The following LVRN variants were observed in gnomAD, a reference collection of about 807,000 sequenced individuals.
The protein encoded by LVRN is laeverin, also known as aminopeptidase Q.
LVRN carries 99 observed loss-of-function variants against 111.4 expected under a neutral mutation model. The ratio of observed to expected loss-of-function variants is 0.89; its 90% CI spans 0.76 to 1.05. The LOEUF (loss-of-function observed/expected upper bound fraction) is 1.05, where lower values mean the gene tolerates loss of function less well. LVRN is among the 50% of genes least tolerant of loss of function. LVRN has a pLI of 0.00. For missense variants in LVRN, 1,414 were observed against 1,206.8 expected (o/e 1.17, Z -2.54); for synonymous variants, 488 against 449.5 (o/e 1.09, Z -1.08).
At chr5:115,993,710 A>G (rs772887506) in intron 5 of LVRN, 31 bp from the exon 6 acceptor site, 2 of 1,394,354 alleles carry the variant, frequency 1.4e-6, no homozygotes, top group East Asian at 2.3e-5. Context: ...TAAATTTAAG[A>G]AAGCTCTTTT....
intron 1 of LVRN, chr5:115,975,290 G>T: frequency 2.8e-6 from 1 of 356,962 alleles, no homozygotes; most frequent in Non-Finnish European, 5.4e-6. Flanking sequence ...ACACTTCTCA[G>T]GCTGACAAAG....
chr5:115,976,384 T>C (rs1753450187), intron 1 of LVRN: 1 of 152,244 alleles, frequency 6.6e-6, no homozygotes, highest in Non-Finnish European at 1.5e-5. Flanking sequence ...AATCTTCTTG[T>C]AGAACCAGTT....
chr5:115,982,390 T>C (rs576744617), intron 1 of LVRN, among the ~76,000 whole-genome samples: 3 of 152,158 alleles, frequency 2.0e-5, no homozygotes, highest in Non-Finnish European at 4.4e-5. Flanking sequence ...CAAAAACAAA[T>C]GTATCAGAGA....
chr5:115,965,592 G>A (rs1396706964), intron 1 of LVRN, among the ~76,000 whole-genome samples: 1 of 152,056 alleles, frequency 6.6e-6, no homozygotes, highest in Non-Finnish European at 1.5e-5. Context: ...GTTTTGTTGT[G>A]TCCCCACGCA....
intron 13 of LVRN, among the ~76,000 whole-genome samples, chr5:116,010,180 G>A (rs1382103311): frequency 6.6e-6 from 1 of 152,206 alleles, no homozygotes; most frequent in Non-Finnish European, 1.5e-5. Context: ...ATTAAGGTGT[G>A]CATACTGTTT....
intron 2 of LVRN, 58 bp downstream of exon 2, chr5:115,983,487 A>T (rs1747767646): frequency 1.3e-6 from 2 of 1,504,276 alleles, no homozygotes; most frequent in Admixed American, 2.4e-5. Flanking sequence ...TTGTAATCAC[A>T]TTTATACCAG....
chr5:115,977,668 A>T (rs1179801328), intron 1 of LVRN, among the ~76,000 whole-genome samples: 1 of 152,048 alleles, frequency 6.6e-6, no homozygotes, highest in African/African-American at 2.4e-5. Flanking sequence ...ATTGGAAAGG[A>T]CCCCAGGCTT....
chr5:115,975,616 A>T (rs116517294), intron 1 of LVRN: 2,144 of 156,708 alleles, frequency 0.014, 46 homozygotes, highest in African/African-American at 0.049. Flanking sequence ...GCAATTGGCC[A>T]TGCCTGTGAC....
rs756481757 is a variant in LVRN at position 115,993,776 on chromosome 5, C to A, written c.1296C>A (p.Asn432Lys). 1 of 1,609,972 alleles carries A rather than the reference C, an allele frequency of 6.2e-7. No individual in the cohort carries two copies. The highest frequency in any genetic ancestry group is 8.5e-7 in the Non-Finnish European group (1 of 1,178,900). ...FGNLVTMNWWNNIWLNEGFAS... is the reference protein window; with the variant it reads ...FGNLVTMNWWKNIWLNEGFAS... ...ACTTGGTTACCATGAATTGGTGGAA[C>A]AATATCTGGCTCAACGAGGGTTTTG... Residue 432 changes from asparagine (N) to lysine (K), a missense_variant, in exon 6 of 20, where the codon AAC becomes AAA. Coordinates refer to ENST00000357872, the MANE Select transcript of LVRN (RefSeq NM_173800.5).
intron 1 of LVRN, among the ~76,000 whole-genome samples, chr5:115,974,195 G>A (rs988729483): frequency 6.6e-6 from 1 of 152,134 alleles, no homozygotes; most frequent in African/African-American, 2.4e-5. Context: ...TGCAGACATA[G>A]TTGTAGAATG....
intron 1 of LVRN, among the ~76,000 whole-genome samples, chr5:115,967,613 A>G (rs1753229922): frequency 6.6e-6 from 1 of 152,096 alleles, no homozygotes; most frequent in Non-Finnish European, 1.5e-5. Flanking sequence ...ATTTTATGAT[A>G]TTCTTATATA....
At chr5:116,000,801 C>A (rs1580391232) in intron 9 of LVRN, 143 bp downstream of exon 9, 1 of 895,708 alleles carries the variant, frequency 1.1e-6, no homozygotes, top group East Asian at 2.6e-5. Context: ...TGGGTAGTGT[C>A]TTTAGTCTTC....
In LVRN at chr5:116,000,472, G is replaced by A. The variant is rs767038878; in HGVS notation, c.1555G>A (p.Glu519Lys). The A allele has an allele frequency of 6.2e-7, 1 of 1,614,150 alleles. No individual in the cohort carries two copies. The highest frequency in any genetic ancestry group is 1.7e-5 in the Admixed American group (1 of 60,026). ...CCGGATGCTTTCTTGTTTCTTGAAT[G>A]AGCATTTATTTGTCAGTGCACTCAA... ...MARMLSCFLN[E>K]HLFVSALKSY... Residue 519 changes from glutamate (E) to lysine (K), a missense_variant, in exon 8 of 20, where the codon GAG becomes AAG. Physicochemically the swap from Glu to Lys is moderately conservative, Grantham distance 56. Transcript: ENST00000357872.
chr5:115,973,974 T>G (rs1753382013), intron 1 of LVRN, among the ~76,000 whole-genome samples: 1 of 152,174 alleles, frequency 6.6e-6, no homozygotes, highest in African/African-American at 2.4e-5. Flanking sequence ...CTTTAAACAT[T>G]TACAGAATAT....
intron 18 of LVRN, chr5:116,021,642 A>C: frequency 2.5e-6 from 1 of 394,042 alleles, no homozygotes; most frequent in South Asian, 2.0e-5. Context: ...TTAACTATTC[A>C]ACTGTCTCTT....
intron 13 of LVRN, among the ~76,000 whole-genome samples, chr5:116,008,931 C>T (rs1033266835): frequency 1.3e-5 from 2 of 152,198 alleles, no homozygotes; most frequent in Admixed American, 6.5e-5. Flanking sequence ...AAAATGGCTG[C>T]ACCAAACAAC....
At chr5:115,979,976 A>G (rs1275809598) in intron 1 of LVRN, among the ~76,000 whole-genome samples, 2 of 152,176 alleles carry the variant, frequency 1.3e-5, no homozygotes, top group African/African-American at 4.8e-5. Flanking sequence ...GTTCTTGACC[A>G]CAAAGAAAGC....
intron 6 of LVRN, among the ~76,000 whole-genome samples, chr5:115,998,128 A>T (rs1467853441): frequency 2.0e-5 from 3 of 152,220 alleles, no homozygotes; most frequent in Non-Finnish European, 1.5e-5. Flanking sequence ...AATAAAAGGG[A>T]AATGATTAAA....
At chr5:115,985,161 A>G (rs1747829074) in intron 3 of LVRN, among the ~76,000 whole-genome samples, 1 of 152,192 alleles carries the variant, frequency 6.6e-6, no homozygotes, top group South Asian at 2.1e-4. Flanking sequence ...CCAGCCAGGA[A>G]CAACTGCTAT....
Sources: allele counts gnomAD v4.1 joint callset (sites outside exome capture counted in the v4.1 genomes callset), GRCh38; gene constraint gnomAD v4.1.1; transcripts MANE v1.5; gene names NCBI Gene and HGNC (gene_info 2026-07-23, HGNC 2026-07-21).